The following CNKSR2 variants were observed in gnomAD, a reference collection of about 807,000 sequenced individuals.
CNKSR2 encodes the protein connector enhancer of kinase suppressor of Ras 2, also known as CNK homolog protein 2.
A neutral mutation model predicts 84.4 loss-of-function variants in CNKSR2; 14 were observed. The ratio of observed to expected loss-of-function variants is 0.17; its 90% CI spans 0.11 to 0.26. The LOEUF (loss-of-function observed/expected upper bound fraction) is 0.26, where lower values mean the gene tolerates loss of function less well. Among genes scored for constraint, CNKSR2 ranks in the 10% least tolerant of loss-of-function variants. The pLI is 1.00. For synonymous variants in CNKSR2, 275 were observed against 277.9 expected, an observed-to-expected ratio of 0.99 and a Z score of 0.10; for missense variants, 485 against 771.2, an observed-to-expected ratio of 0.63 and a Z score of 4.40.
intron 3 of CNKSR2, among the ~76,000 whole-genome samples, chrX:21,435,590 C>T (rs1020008362): frequency 7.2e-5 from 8 of 111,586 alleles, no homozygotes; most frequent in African/African-American, 2.6e-4. Flanking sequence ...AGAGGTGAAT[C>T]ACAGTTGGTA....
chrX:21,503,626 A>T (rs2091581666), intron 8 of CNKSR2: 1 of 147,139 alleles, frequency 6.8e-6, no homozygotes, highest in African/African-American at 3.1e-5. Context: ...CCAACAAAAG[A>T]GGAAGAATCC....
chrX:21,520,035 G>A (rs1448247201), intron 9 of CNKSR2, among the ~76,000 whole-genome samples: 1 of 111,116 alleles, frequency 9.0e-6, no homozygotes, highest in Non-Finnish European at 1.9e-5. Flanking sequence ...TTCCAATATT[G>A]ATTAACTACA....
At chrX:21,395,949 G>T (rs995648602) in intron 1 of CNKSR2, among the ~76,000 whole-genome samples, 2 of 111,640 alleles carry the variant, frequency 1.8e-5, no homozygotes, top group African/African-American at 6.5e-5. Context: ...CACAGATCTA[G>T]GCCACCAATG....
intron 17 of CNKSR2, among the ~76,000 whole-genome samples, chrX:21,599,341 TG>T (rs2092467988): frequency 6.3e-5 from 1 of 15,864 alleles, no homozygotes; most frequent in Admixed American, 1.1e-3. Context: ...TTTGTTTTGG[TG>T]TGTGTGTGTG....
chrX:21,633,877 A>G (rs961502769), intron 20 of CNKSR2, among the ~76,000 whole-genome samples: 6 of 112,230 alleles, frequency 5.3e-5, no homozygotes, highest in Non-Finnish European at 7.5e-5. Context: ...GTTAGATTCA[A>G]TAGCTTTCCA....
Position 21,646,825 on chromosome X carries a change from G to T in CNKSR2, c.2693-2006G>T, listed in dbSNP as rs181435484. On this transcript the variant is annotated intron_variant, in intron 20 of 21. Coordinates refer to ENST00000379510, the MANE Select transcript of CNKSR2 (RefSeq NM_014927.5). ...TGCAGTATTGCCTTGAGGAAAAAAA[G>T]AATACGATAACTACTATATAATTCC... Among the ~76,000 whole-genome samples the T allele has an allele frequency of 2.2e-4, 25 of 111,899 alleles. No individual in the cohort carries two copies. The East Asian group carries it at 6.7e-3, about 30-fold the overall frequency.
At chrX:21,379,778 A>G (rs1284252778) in intron 1 of CNKSR2, among the ~76,000 whole-genome samples, 1 of 111,662 alleles carries the variant, frequency 9.0e-6, no homozygotes, top group Non-Finnish European at 1.9e-5. Flanking sequence ...AGACAGAGAG[A>G]GGTGCCAACT....
In CNKSR2 at chrX:21,653,338, A is replaced by C. The variant is rs2092725094; in HGVS notation, c.*817A>C. ...TTTTAAAAACTGACTTAACACACCC[A>C]GAAAGGCAGCTAACAGCTATATATA... On this transcript the variant is annotated 3_prime_UTR_variant, in exon 22 of 22. Transcript: ENST00000379510. 1 of 110,598 alleles carries C rather than the reference A, an allele frequency of 9.0e-6. No individual in the cohort carries two copies. The highest frequency in any genetic ancestry group is 1.9e-5 in the Non-Finnish European group (1 of 52,941). The allele number at this position is 110,598 out of a possible 1,213,427, so 9.1% of individuals were successfully genotyped here. A position where few individuals can be genotyped will look rare whatever the true frequency, so the allele number is the denominator to read the frequency against.
chrX:21,645,295 A>T (rs952197945), intron 20 of CNKSR2: 1 of 112,118 alleles, frequency 8.9e-6, no homozygotes, highest in African/African-American at 3.2e-5. Flanking sequence ...ATGAAATTTT[A>T]TGTAGGAAAG....
In CNKSR2 at chrX:21,648,895, C is replaced by T. The variant is rs892477281; in HGVS notation, c.2757C>T (p.Ala919=). ...LQDLYRALEQ[A]SLSPLGEHRI... ...ATTTATACAGGGCACTGGAGCAGGC[C>T]AGTCTGTCACCACTAGGAGAACATC... Residue 919 remains alanine (A), a synonymous_variant, in exon 21 of 22, where the codon GCC becomes GCT. Coordinates refer to ENST00000379510, the MANE Select transcript of CNKSR2 (RefSeq NM_014927.5). 2 of 1,194,746 alleles carry T rather than the reference C, an allele frequency of 1.7e-6. No individual in the cohort carries two copies. The highest frequency in any genetic ancestry group is 3.0e-5 in the East Asian group (1 of 33,475).
At chrX:21,621,709 A>G (rs1862880072) in intron 20 of CNKSR2, among the ~76,000 whole-genome samples, 1 of 111,094 alleles carries the variant, frequency 9.0e-6, no homozygotes, top group Admixed American at 9.6e-5. Flanking sequence ...ATAGGGTATC[A>G]GGTAAAATTT....
intron 4 of CNKSR2, among the ~76,000 whole-genome samples, chrX:21,464,497 G>A (rs917360549): frequency 9.0e-6 from 1 of 111,572 alleles, no homozygotes; most frequent in African/African-American, 3.3e-5. Context: ...TCGGCTGGGG[G>A]GACAATCCCT....
intron 6 of CNKSR2, chrX:21,491,062 GT>G (rs1294420816): frequency 2.7e-5 from 3 of 111,310 alleles, no homozygotes; most frequent in Non-Finnish European, 5.7e-5. Context: ...TCTTAGAAGG[GT>G]AAGTAAGCAC....
chrX:21,579,942 C>G (rs1255275755), intron 13 of CNKSR2, among the ~76,000 whole-genome samples: 1 of 111,751 alleles, frequency 8.9e-6, no homozygotes, highest in Non-Finnish European at 1.9e-5. Context: ...TAAGTTGCCT[C>G]CTTTCTTTTA....
intron 4 of CNKSR2, among the ~76,000 whole-genome samples, chrX:21,446,062 A>AT (rs1384619612): frequency 9.0e-6 from 1 of 111,563 alleles, no homozygotes; most frequent in Admixed American, 9.5e-5. Context: ...TACCAACAGT[A>AT]TTTTTTCATT....
intron 4 of CNKSR2, 192 bp downstream of exon 4, chrX:21,440,973 A>C: frequency 3.2e-6 from 1 of 316,376 alleles, no homozygotes; most frequent in Non-Finnish European, 5.5e-6. Context: ...GCTTACCAGA[A>C]GATATAAAAG....
chrX:21,641,648 C>G, intron 20 of CNKSR2: 1 of 1,154,049 alleles, frequency 8.7e-7, no homozygotes, highest in South Asian at 2.0e-5. Context: ...GAATTTAGAT[C>G]GGAGAGAGTC....
At chrX:21,402,068 T>C (rs1223093376) in intron 1 of CNKSR2, among the ~76,000 whole-genome samples, 1 of 111,104 alleles carries the variant, frequency 9.0e-6, no homozygotes, top group Non-Finnish European at 1.9e-5. Context: ...ACCTACCCAA[T>C]AGTGACCCTT....
chrX:21,501,359 G>A, intron 7 of CNKSR2, 161 bp from the exon 8 acceptor site: 1 of 308,278 alleles, frequency 3.2e-6, no homozygotes. Flanking sequence ...TAAAAACAGT[G>A]TATTAAATAC....
Sources: allele counts gnomAD v4.1 joint callset (sites outside exome capture counted in the v4.1 genomes callset), GRCh38; gene constraint gnomAD v4.1.1; transcripts MANE v1.5; gene names NCBI Gene and HGNC (gene_info 2026-07-23, HGNC 2026-07-21).